LRRC7: variants seen among roughly 807,000 people sequenced by gnomAD.
The protein encoded by LRRC7 is leucine rich repeat containing 7.
LRRC7 carries 23 observed loss-of-function variants against 175.7 expected under a neutral mutation model. The ratio of observed to expected loss-of-function variants is 0.13; its 90% CI spans 0.09 to 0.19. LRRC7 has a LOEUF of 0.19. Ranked by LOEUF, LRRC7 falls within the 10% of genes least tolerant of loss-of-function variation. LRRC7 has a pLI of 1.00. For synonymous variants in LRRC7, 685 were observed against 680.9 expected, an observed-to-expected ratio of 1.01 and a Z score of -0.09; for missense variants, 1,354 against 1,904.7, an observed-to-expected ratio of 0.71 and a Z score of 5.38.
chr1:70,037,124 C>A (rs1246180806), intron 20 of LRRC7, among the ~76,000 whole-genome samples: 1 of 152,106 alleles, frequency 6.6e-6, no homozygotes, highest in Non-Finnish European at 1.5e-5. Context: ...TCTAATTTTA[C>A]AGATGAAAAA....
At chr1:69,697,215 T>C (rs1432947939) in intron 2 of LRRC7, among the ~76,000 whole-genome samples, 1 of 152,214 alleles carries the variant, frequency 6.6e-6, no homozygotes, top group East Asian at 1.9e-4. Flanking sequence ...TCCGTTCTAA[T>C]AAGAAAACTA....
At chr1:69,825,021 G>A (rs1679743042) in intron 4 of LRRC7, among the ~76,000 whole-genome samples, 1 of 152,212 alleles carries the variant, frequency 6.6e-6, no homozygotes, top group African/African-American at 2.4e-5. Context: ...TTCAGCTTTT[G>A]CATTTTCAGT....
chr1:69,906,961 G>C (rs1294415402), intron 7 of LRRC7, among the ~76,000 whole-genome samples: 1 of 151,928 alleles, frequency 6.6e-6, no homozygotes, highest in Non-Finnish European at 1.5e-5. Flanking sequence ...AGTTCTCCTT[G>C]AAGAGGTCCT....
At chr1:70,077,469 T>C (rs1662869982) in intron 24 of LRRC7, among the ~76,000 whole-genome samples, 1 of 152,166 alleles carries the variant, frequency 6.6e-6, no homozygotes, top group Non-Finnish European at 1.5e-5. Context: ...ACCAAAGGCA[T>C]CTTAGGAGGT....
intron 2 of LRRC7, among the ~76,000 whole-genome samples, chr1:69,698,710 C>A (rs917571548): frequency 1.3e-5 from 2 of 152,136 alleles, no homozygotes; most frequent in East Asian, 3.9e-4. Flanking sequence ...ATTTTCATTA[C>A]CTTCTGTGCA....
chr1:69,688,016 G>A (rs895324964), intron 2 of LRRC7, among the ~76,000 whole-genome samples: 1 of 152,072 alleles, frequency 6.6e-6, no homozygotes, highest in African/African-American at 2.4e-5. Flanking sequence ...TGTTACTTTT[G>A]CTGTGACTGT....
chr1:69,934,974 T>A (rs1358182832), intron 8 of LRRC7, among the ~76,000 whole-genome samples: 1 of 152,146 alleles, frequency 6.6e-6, no homozygotes, highest in Non-Finnish European at 1.5e-5. Flanking sequence ...AAGAGTCAGT[T>A]ATAAGAAGCA....
At chr1:69,679,817 G>C (rs1203589176) in intron 2 of LRRC7, among the ~76,000 whole-genome samples, 1 of 152,132 alleles carries the variant, frequency 6.6e-6, no homozygotes, top group African/African-American at 2.4e-5. Flanking sequence ...TTAACATAAA[G>C]TGATTTTTCA....
Position 69,763,976 on chromosome 1 carries a change from A to T in LRRC7, c.303+3583A>T, listed in dbSNP as rs377057836. Among the ~76,000 whole-genome samples, 32 of 152,144 alleles carry T rather than the reference A, an allele frequency of 2.1e-4. No homozygotes were observed. In the East Asian group the frequency reaches 5.8e-3, roughly 28 times the overall value. On this transcript the variant is annotated intron_variant, in intron 3 of 26. Coordinates refer to ENST00000651989, the MANE Select transcript of LRRC7 (RefSeq NM_001370785.2). The stretch of plus-strand genomic sequence containing the variant: ...ATTGGTCATGAATCTCTACTATAAG[A>T]TGTTATGTAATACAATGGGTAGAGA...
Position 70,125,693 on chromosome 1 carries a change from G to C in LRRC7, c.*3806G>C, listed in dbSNP as rs976847651. On this transcript the variant is annotated 3_prime_UTR_variant, in exon 27 of 27. Transcript: ENST00000651989. The stretch of plus-strand genomic sequence containing the variant: ...TGTAGTCCCAGCTACTTGGGAGGCT[G>C]AGGCAGGAGAATGGCGTGAACCCAG... Among the ~76,000 whole-genome samples, 2 of 147,032 alleles carry C rather than the reference G, an allele frequency of 1.4e-5. No individual in the cohort carries two copies. The highest frequency in any genetic ancestry group is 5.0e-5 in the African/African-American group (2 of 40,022).
intron 1 of LRRC7, among the ~76,000 whole-genome samples, chr1:69,624,811 C>T (rs1033965358): frequency 6.6e-6 from 1 of 152,092 alleles, no homozygotes; most frequent in Non-Finnish European, 1.5e-5. Context: ...AATCAAAGTC[C>T]ACATATGCCT....
chr1:69,783,773 A>G (rs1291356383), intron 3 of LRRC7, among the ~76,000 whole-genome samples: 1 of 145,810 alleles, frequency 6.9e-6, no homozygotes, highest in Non-Finnish European at 1.5e-5. Context: ...AAAAAAAAAA[A>G]AAAAGATTCT....
chr1:69,602,173 C>G (rs1219478551), intron 1 of LRRC7, among the ~76,000 whole-genome samples: 1 of 152,174 alleles, frequency 6.6e-6, no homozygotes. Flanking sequence ...GATGCTCTGT[C>G]TTCTGTCATT....
intron 25 of LRRC7, among the ~76,000 whole-genome samples, chr1:70,091,276 T>A (rs916339092): frequency 6.6e-6 from 1 of 152,158 alleles, no homozygotes; most frequent in Admixed American, 6.6e-5. Context: ...TATTGATACA[T>A]CTTAAAGAAG....
chr1:69,650,539 C>CAAAGAA (rs1655665646), intron 1 of LRRC7, among the ~76,000 whole-genome samples: 2 of 79,220 alleles, frequency 2.5e-5, no homozygotes, highest in Non-Finnish European at 4.7e-5. Flanking sequence ...GACTCCGTCT[C>CAAAGAA]AAAAAAAAAA....
chr1:69,860,177 A>G (rs997496506), intron 7 of LRRC7, among the ~76,000 whole-genome samples: 3 of 151,654 alleles, frequency 2.0e-5, no homozygotes, highest in African/African-American at 4.8e-5. Flanking sequence ...GTTGAATTCT[A>G]TTTTCCTAAA....
intron 7 of LRRC7, among the ~76,000 whole-genome samples, chr1:69,880,960 A>G (rs746389510): frequency 6.6e-6 from 1 of 152,230 alleles, no homozygotes; most frequent in Non-Finnish European, 1.5e-5. Flanking sequence ...ATTGACTTAT[A>G]AATCTGCTTC....
intron 25 of LRRC7, among the ~76,000 whole-genome samples, chr1:70,091,503 A>G (rs957460197): frequency 6.6e-6 from 1 of 152,112 alleles, no homozygotes. Flanking sequence ...TTTTCACTAT[A>G]TTTTTGGAAG....
chr1:69,679,920 G>A (rs1660259086), intron 2 of LRRC7, among the ~76,000 whole-genome samples: 3 of 152,042 alleles, frequency 2.0e-5, no homozygotes, highest in African/African-American at 7.2e-5. Context: ...AAGTACAATT[G>A]TATTGAAACA....
Sources: gnomAD v4.1 joint callset for allele counts (sites outside exome capture counted in the v4.1 genomes callset) on GRCh38, gnomAD v4.1.1 for gene constraint, MANE v1.5 for transcripts, NCBI Gene and HGNC (gene_info 2026-07-23, HGNC 2026-07-21) for gene names.